The following PTN variants were observed in gnomAD, a reference collection of about 807,000 sequenced individuals.
PTN encodes the protein pleiotrophin.
Under a neutral mutation model 24.1 loss-of-function variants are expected in PTN, and 18 were observed. The observed-to-expected ratio is 0.75, with a 90% confidence interval of 0.52 to 1.11. PTN has a LOEUF of 1.11. PTN is among the 50% of genes least tolerant of loss of function. The probability of loss-of-function intolerance (pLI) is 0.00; values close to 1 mark genes in which losing one functional copy is unlikely to be tolerated. For synonymous variants in PTN, 78 were observed against 68.6 expected, an observed-to-expected ratio of 1.14 and a Z score of -0.67; for missense variants, 163 against 198.8, an observed-to-expected ratio of 0.82 and a Z score of 1.08.
chr7:137,305,093 G>T (rs1419968694), intron 1 of PTN, among the ~76,000 whole-genome samples: 3 of 151,846 alleles, frequency 2.0e-5, no homozygotes, highest in Non-Finnish European at 4.4e-5. Context: ...CAACCGACTT[G>T]GTAACAACAC....
chr7:137,317,029 C>G (rs1402984612), intron 1 of PTN, among the ~76,000 whole-genome samples: 3 of 152,220 alleles, frequency 2.0e-5, no homozygotes, highest in Non-Finnish European at 2.9e-5. Flanking sequence ...GGTGGTCTCT[C>G]TCTTTCTCTC....
intron 4 of PTN, among the ~76,000 whole-genome samples, chr7:137,233,206 A>G (rs535742344): frequency 6.6e-6 from 1 of 151,924 alleles, no homozygotes; most frequent in African/African-American, 2.4e-5. Context: ...ACAATGAAAA[A>G]ATCATGAAGT....
chr7:137,296,008 A>T (rs1392050123), intron 1 of PTN, among the ~76,000 whole-genome samples: 1 of 152,042 alleles, frequency 6.6e-6, no homozygotes, highest in Non-Finnish European at 1.5e-5. Flanking sequence ...AAGCCTGGGT[A>T]GCATGATGCC....
intron 1 of PTN, among the ~76,000 whole-genome samples, chr7:137,342,619 C>T (rs1342660431): frequency 6.6e-6 from 1 of 151,948 alleles, no homozygotes; most frequent in East Asian, 1.9e-4. Context: ...CACTTTCCAT[C>T]TATTAAGAAA....
intron 1 of PTN, among the ~76,000 whole-genome samples, chr7:137,342,752 A>G (rs1810555457): frequency 6.6e-6 from 1 of 152,168 alleles, no homozygotes; most frequent in Admixed American, 6.5e-5. Flanking sequence ...GTCAAATTAA[A>G]AGTTTAAGGG....
At chr7:137,339,568 CA>C (rs58934357) in intron 1 of PTN, among the ~76,000 whole-genome samples, 17,435 of 123,676 alleles carry the variant, frequency 0.14, 1,110 homozygotes, top group Middle Eastern at 0.23. Context: ...GGTCTTGAAT[CA>C]AAAAAAAAAA....
chr7:137,294,302 A>T (rs1313218444), intron 1 of PTN, among the ~76,000 whole-genome samples: 1 of 152,098 alleles, frequency 6.6e-6, no homozygotes, highest in Non-Finnish European at 1.5e-5. Flanking sequence ...GTGCCCTTGA[A>T]CAAAATTTCA....
At chr7:137,306,540 G>A (rs1336126089) in intron 1 of PTN, among the ~76,000 whole-genome samples, 2 of 152,128 alleles carry the variant, frequency 1.3e-5, no homozygotes, top group Non-Finnish European at 2.9e-5. Context: ...GAATAAATGA[G>A]ATCTTCTGCA....
intron 1 of PTN, among the ~76,000 whole-genome samples, chr7:137,312,012 C>T (rs1562919435): frequency 6.6e-6 from 1 of 152,080 alleles, no homozygotes. Flanking sequence ...ATGAGGTATG[C>T]CCATATATCA....
At position 137,251,246 on chromosome 7, in the gene PTN, G is replaced by A. The variant is rs771483149; in HGVS notation, c.435C>T (p.Thr145=). The A allele has an allele frequency of 6.8e-6, 11 of 1,613,990 alleles. No homozygotes were observed. Among genetic ancestry groups the A allele is most frequent in the South Asian group, 1.1e-5 (1 of 91,086 alleles). ...AGGACTTACCTTGAGGTTTGGGCTTGGTCAGTTTGCCACAGGGCTTGGAGA... is the reference window on the plus strand; with the variant it reads ...AGGACTTACCTTGAGGTTTGGGCTTAGTCAGTTTGCCACAGGGCTTGGAGA... ...VTISKPCGKL[T]KPKPQAESKK... The change falls in exon 4 of 5, where the codon ACC becomes ACT. Residue 145 remains threonine (T), a synonymous_variant. Transcript: ENST00000348225.
intron 1 of PTN, among the ~76,000 whole-genome samples, chr7:137,303,927 C>T (rs916572556): frequency 6.6e-6 from 1 of 152,088 alleles, no homozygotes; most frequent in African/African-American, 2.4e-5. Flanking sequence ...CCCCACAACA[C>T]ACAAAAAAAT....
At chr7:137,236,510 C>T (rs1359567415) in intron 4 of PTN, among the ~76,000 whole-genome samples, 1 of 152,032 alleles carries the variant, frequency 6.6e-6, no homozygotes, top group Non-Finnish European at 1.5e-5. Context: ...AGAGAGAAAA[C>T]CACAGATGTG....
At chr7:137,315,259 T>A (rs1311804972) in intron 1 of PTN, among the ~76,000 whole-genome samples, 1 of 152,152 alleles carries the variant, frequency 6.6e-6, no homozygotes, top group African/African-American at 2.4e-5. Context: ...AGAGCCCAGA[T>A]GGCTGCTGTC....
At chr7:137,273,889 T>A (rs1809316484) in intron 1 of PTN, among the ~76,000 whole-genome samples, 1 of 152,172 alleles carries the variant, frequency 6.6e-6, no homozygotes, top group African/African-American at 2.4e-5. Context: ...CATAGTTCTG[T>A]GGTTATTGTC....
intron 1 of PTN, among the ~76,000 whole-genome samples, chr7:137,277,260 C>A (rs548115042): frequency 3.9e-5 from 6 of 152,186 alleles, no homozygotes; most frequent in Non-Finnish European, 8.8e-5. Context: ...AATTCACAGA[C>A]TGACCAAACC....
At chr7:137,330,461 C>A (rs527270328) in intron 1 of PTN, among the ~76,000 whole-genome samples, 1 of 152,286 alleles carries the variant, frequency 6.6e-6, no homozygotes, top group African/African-American at 2.4e-5. Flanking sequence ...AAGCCAGCCC[C>A]CAAATCTAGA....
chr7:137,239,203 C>A (rs1808576236), intron 4 of PTN, among the ~76,000 whole-genome samples: 1 of 152,120 alleles, frequency 6.6e-6, no homozygotes, highest in Non-Finnish European at 1.5e-5. Context: ...CCCAAGTGAG[C>A]TCATTGTGCC....
intron 1 of PTN, among the ~76,000 whole-genome samples, chr7:137,309,690 C>T (rs1297251284): frequency 6.6e-6 from 1 of 152,170 alleles, no homozygotes; most frequent in Non-Finnish European, 1.5e-5. Flanking sequence ...ATTCTTTGCT[C>T]ACCCATAAGA....
At chr7:137,273,134 C>G (rs972982062) in intron 1 of PTN, among the ~76,000 whole-genome samples, 3 of 152,170 alleles carry the variant, frequency 2.0e-5, no homozygotes, top group South Asian at 4.1e-4. Context: ...AACATTATCT[C>G]TCTGTTATTC....
Sources: allele counts gnomAD v4.1 joint callset (sites outside exome capture counted in the v4.1 genomes callset), GRCh38; gene constraint gnomAD v4.1.1; transcripts MANE v1.5; gene names NCBI Gene and HGNC (gene_info 2026-07-23, HGNC 2026-07-21).